Variants in GCNT4 observed in about 807,000 individuals in gnomAD.
GCNT4 encodes glucosaminyl (N-acetyl) transferase 4, also known as beta-1,3-galactosyl-O-glycosyl-glycoprotein beta-1,6-N-acetylglucosaminyltransferase 4.
Under a neutral mutation model 31.3 loss-of-function variants are expected in GCNT4, and 17 were observed. That is an observed-to-expected ratio of 0.54 (90% CI 0.37 to 0.81). The LOEUF (loss-of-function observed/expected upper bound fraction) is 0.81. Among genes scored for constraint, GCNT4 ranks in the 40% least tolerant of loss-of-function variants. The pLI is 0.00. For missense variants in GCNT4, 503 were observed against 525.5 expected, an observed-to-expected ratio of 0.96 and a Z score of 0.42; for synonymous variants, 158 against 190.6, an observed-to-expected ratio of 0.83 and a Z score of 1.41.
chr5:75,050,867 G>T (rs1207701871), intron 2 of GCNT4, among the ~76,000 whole-genome samples: 1 of 152,116 alleles, frequency 6.6e-6, no homozygotes, highest in Non-Finnish European at 1.5e-5. Context: ...CTCTGACCCA[G>T]CCCTGTCTAC....
chr5:75,022,605 T>G (rs1394111595), downstream of GCNT4, among the ~76,000 whole-genome samples: 1 of 152,208 alleles, frequency 6.6e-6, no homozygotes, highest in East Asian at 1.9e-4. Flanking sequence ...GAGCAATCTG[T>G]GTTTTAGAAG....
downstream of GCNT4, among the ~76,000 whole-genome samples, chr5:75,024,182 C>CA (rs1000443844): frequency 7.3e-5 from 11 of 150,978 alleles, no homozygotes; most frequent in Non-Finnish European, 1.5e-4. Flanking sequence ...CCAATGGGAA[C>CA]AAAAAAATAT....
At chr5:75,039,816 C>T (rs1743279850) in intron 3 of GCNT4, among the ~76,000 whole-genome samples, 2 of 152,152 alleles carry the variant, frequency 1.3e-5, no homozygotes, top group Non-Finnish European at 2.9e-5. Flanking sequence ...TGTACTGTAG[C>T]CAAAATGATT....
chr5:75,034,717 T>C (rs1183249895), intron 3 of GCNT4, among the ~76,000 whole-genome samples: 1 of 152,234 alleles, frequency 6.6e-6, no homozygotes, highest in African/African-American at 2.4e-5. Flanking sequence ...GAAAAAGCTG[T>C]TGCAAGGTTT....
rs1235655032 is a variant in GCNT4, at chr5:75,029,671, G to A, written c.367C>T (p.Leu123Phe). 6.2e-7 allele frequency: 1 copy of A among 1,614,082 alleles called. No individual in the cohort carries two copies. Among genetic ancestry groups the A allele is most frequent in the Admixed American group, 1.7e-5 (1 of 60,026 alleles). Residue 123 changes from leucine to phenylalanine, a missense_variant, in exon 4 of 4, where the codon CTT (leucine) becomes TTT (phenylalanine). Leu to Phe is a conservative substitution (Grantham distance 22, BLOSUM62 0). Coordinates refer to ENST00000652361, the MANE Select transcript of GCNT4 (RefSeq NM_001366737.1). Reference sequence around the variant, plus strand: ...AAGCTTTTCTCCTCCTTTGAGACAAGCTTTTGAGCATAACCTCTTAGAGTC... The same window carrying A: ...AAGCTTTTCTCCTCCTTTGAGACAAACTTTTGAGCATAACCTCTTAGAGTC... ...YQTLRGYAQKLVSKEEKSFPI... is the reference protein window; with the variant it reads ...YQTLRGYAQKFVSKEEKSFPI...
chr5:75,017,854 C>T, the GCNT4 span, among the ~76,000 whole-genome samples: 1 of 152,080 alleles, frequency 6.6e-6, no homozygotes, highest in Non-Finnish European at 1.5e-5. Context: ...CCTATGAATC[C>T]CTGCACCTAA....
At chr5:75,034,082 C>G (rs553138913) in intron 3 of GCNT4, among the ~76,000 whole-genome samples, 86 of 152,286 alleles carry the variant, frequency 5.6e-4, no homozygotes, top group African/African-American at 2.0e-3. Context: ...CAAAGAGGTG[C>G]GTAGGTGCAA....
Position 75,029,851 on chromosome 5 carries a change from C to T in GCNT4, c.187G>A (p.Val63Ile), listed in dbSNP as rs372145706. ...SPFVRNRYTH[V>I]KDEVRYEVNC... is the part of the protein sequence containing the mutation. Reference sequence around the variant, plus strand: ...ACTTCATACCTGACTTCATCCTTAACATGAGTGTATCTGTTTCTTACAAAA... The same window carrying T: ...ACTTCATACCTGACTTCATCCTTAATATGAGTGTATCTGTTTCTTACAAAA... The change falls in exon 4 of 4, where the codon GTT becomes ATT. Residue 63 changes from valine to isoleucine, a missense_variant. Physicochemically the swap from Val to Ile is conservative, Grantham distance 29 (BLOSUM62 3). Coordinates refer to ENST00000652361, the MANE Select transcript of GCNT4 (RefSeq NM_001366737.1). The T allele has an allele frequency of 2.0e-5, 32 of 1,614,018 alleles. No individual in the cohort carries two copies. The highest frequency in any genetic ancestry group is 2.6e-5 in the Non-Finnish European group (31 of 1,180,018).
chr5:75,053,577 G>C (rs1464126182), upstream of GCNT4, among the ~76,000 whole-genome samples: 1 of 152,144 alleles, frequency 6.6e-6, no homozygotes, highest in Non-Finnish European at 1.5e-5. Flanking sequence ...CCCCGGCGGG[G>C]GCCGAGGGTT....
chr5:75,033,891 G>A (rs1352580494), intron 3 of GCNT4, among the ~76,000 whole-genome samples: 2 of 151,916 alleles, frequency 1.3e-5, no homozygotes, highest in Non-Finnish European at 2.9e-5. Flanking sequence ...CTGTGTCCAT[G>A]TGTTCTCACT....
intron 3 of GCNT4, among the ~76,000 whole-genome samples, chr5:75,035,662 A>G (rs1339438751): frequency 6.6e-6 from 1 of 152,212 alleles, no homozygotes; most frequent in Non-Finnish European, 1.5e-5. Context: ...TGACCTCCCA[A>G]CCGGGGTCTC....
chr5:75,043,548 T>C (rs1321895175), intron 3 of GCNT4, among the ~76,000 whole-genome samples: 1 of 152,018 alleles, frequency 6.6e-6, no homozygotes, highest in East Asian at 1.9e-4. Flanking sequence ...CTTTCTTTTC[T>C]TCTTCTTCCA....
At chr5:75,032,872 G>GGTGTGTGTGTGTGTGT (rs60551634) in intron 3 of GCNT4, among the ~76,000 whole-genome samples, 37 of 130,754 alleles carry the variant, frequency 2.8e-4, no homozygotes, top group East Asian at 1.8e-3. Flanking sequence ...CCCAAATAGG[G>GGTGTGTGTGTGTGTGT]GTGTGTGTGT....
rs1742952765 is a variant in GCNT4 at position 75,026,671 on chromosome 5, A to AAAAAAAAAAAAT, written c.*2004_*2005insATTTTTTTTTTT. The AAAAAAAAAAAAT allele has an allele frequency of 6.8e-6, 1 of 147,502 alleles. No individual in the cohort carries two copies. Among genetic ancestry groups the AAAAAAAAAAAAT allele is most frequent in the African/African-American group, 2.6e-5 (1 of 38,958 alleles). 9.1% of individuals were successfully genotyped at this position (147,502 alleles called of 1,614,324 possible). ...ACAAAAAAAAAAAAAAAAAAAAAAA[A>AAAAAAAAAAAAT]ACACTTGTGTGGAAGCAAGGATAGG... On this transcript the variant is annotated 3_prime_UTR_variant, in exon 4 of 4. Transcript: ENST00000652361.
intron 3 of GCNT4, among the ~76,000 whole-genome samples, chr5:75,031,632 A>G (rs1743064818): frequency 6.6e-6 from 1 of 152,214 alleles, no homozygotes; most frequent in Non-Finnish European, 1.5e-5. Flanking sequence ...TGCAGGGTAG[A>G]GTGGGAAAGG....
chr5:75,053,233 G>T (rs1417964806), upstream of GCNT4, among the ~76,000 whole-genome samples: 4 of 151,774 alleles, frequency 2.6e-5, no homozygotes, highest in African/African-American at 9.7e-5. Flanking sequence ...TCGCCCACCC[G>T]GCCCGTGACG....
rs1411425229 is a variant in GCNT4, at chr5:75,027,855, G to A, written c.*821C>T. ...AATGTTCTGGTGTGTGACACTTGGAGCTATTGGTCAGTTCTTATTTTTAAT... is the reference window on the plus strand; with the variant it reads ...AATGTTCTGGTGTGTGACACTTGGAACTATTGGTCAGTTCTTATTTTTAAT... On this transcript the variant is annotated 3_prime_UTR_variant, in exon 4 of 4. Transcript: ENST00000652361. 1 of 152,346 alleles carries A rather than the reference G, an allele frequency of 6.6e-6. No individual in the cohort carries two copies. The highest frequency in any genetic ancestry group is 1.5e-5 in the Non-Finnish European group (1 of 68,000). The allele number at this position is 152,346 out of a possible 1,614,324, so 9.4% of individuals were successfully genotyped here.
At chr5:75,048,373 A>G (rs1381504621) in intron 2 of GCNT4, among the ~76,000 whole-genome samples, 1 of 152,214 alleles carries the variant, frequency 6.6e-6, no homozygotes, top group Non-Finnish European at 1.5e-5. Context: ...AACACGTGCA[A>G]AAAATTAACT....
At position 75,027,455 on chromosome 5, in the gene GCNT4, A is replaced by T. The variant is rs867706421; in HGVS notation, c.*1221T>A. The T allele has an allele frequency of 6.5e-4, 94 of 143,776 alleles. No homozygotes were observed. Among genetic ancestry groups the T allele is most frequent in the Middle Eastern group, 3.8e-3 (1 of 264 alleles). The allele number at this position is 143,776 out of a possible 1,614,324, so 8.9% of individuals were successfully genotyped here. On this transcript the variant is annotated 3_prime_UTR_variant, in exon 4 of 4. Transcript: ENST00000652361. ...TATAAAATATATATTATATATATAT[A>T]TTTTTGACTCATTGGGTGGTTTTCT...
Sources: allele counts gnomAD v4.1 joint callset (sites outside exome capture counted in the v4.1 genomes callset), GRCh38; gene constraint gnomAD v4.1.1; transcripts MANE v1.5; gene names NCBI Gene and HGNC (gene_info 2026-07-23, HGNC 2026-07-21).